Variants in XNDC1N observed in about 807,000 individuals in gnomAD.
The protein encoded by XNDC1N is XRCC1 N-terminal domain containing 1, N-terminal like.
chr11:71,920,199 C>A, the XNDC1N span, among the ~76,000 whole-genome samples: 1 of 151,560 alleles, frequency 6.6e-6, no homozygotes, highest in African/African-American at 2.4e-5. Context: ...ACCTCGTGAT[C>A]CGCCCGCCTC....
chr11:71,904,590 C>G, the XNDC1N span, among the ~76,000 whole-genome samples: 1 of 152,082 alleles, frequency 6.6e-6, no homozygotes, highest in Non-Finnish European at 1.5e-5. Flanking sequence ...TTAGGAGTAA[C>G]ATCCTTCTAG....
chr11:71,869,624 C>T, the XNDC1N span, among the ~76,000 whole-genome samples: 7 of 152,128 alleles, frequency 4.6e-5, no homozygotes, highest in Non-Finnish European at 1.0e-4. Flanking sequence ...CTTAAAAGGG[C>T]TATTTTGTCT....
At chr11:71,895,609 G>T in the XNDC1N span, among the ~76,000 whole-genome samples, 1 of 151,774 alleles carries the variant, frequency 6.6e-6, no homozygotes, top group Non-Finnish European at 1.5e-5. Context: ...TTACAGGCAT[G>T]CGCGACCGCG....
the XNDC1N span, chr11:71,865,783 TG>T: frequency 2.4e-6 from 1 of 413,424 alleles, no homozygotes; most frequent in Admixed American, 3.2e-5. Context: ...TTTTTTTTTT[TG>T]CTGTGGGGAT....
the XNDC1N span, among the ~76,000 whole-genome samples, chr11:71,919,929 C>CTTTTTTTTTT: frequency 7.9e-4 from 21 of 26,628 alleles, 4 homozygotes; most frequent in East Asian, 2.5e-3. Flanking sequence ...AAGCAGGCCT[C>CTTTTTTTTTT]TTTTTTTTTT....
chr11:71,869,213 C>T, the XNDC1N span, among the ~76,000 whole-genome samples: 3 of 151,970 alleles, frequency 2.0e-5, no homozygotes, highest in African/African-American at 7.3e-5. Flanking sequence ...CCCACTACCC[C>T]ATGACAGGCA....
chr11:71,867,168 CA>C, the XNDC1N span, among the ~76,000 whole-genome samples: 11 of 151,014 alleles, frequency 7.3e-5, no homozygotes, highest in African/African-American at 1.5e-4. Flanking sequence ...AGTTTAATAA[CA>C]AAAAAAATTG....
At chr11:71,904,720 A>T in the XNDC1N span, among the ~76,000 whole-genome samples, 14 of 152,088 alleles carry the variant, frequency 9.2e-5, no homozygotes, top group African/African-American at 3.1e-4. Context: ...GTTGACACAC[A>T]TGGTGTACAT....
chr11:71,907,013 C>T, the XNDC1N span, among the ~76,000 whole-genome samples: 1 of 152,056 alleles, frequency 6.6e-6, no homozygotes, highest in African/African-American at 2.4e-5. Flanking sequence ...CTCCGTGTGA[C>T]AAAAAAATCA....
chr11:71,927,292 G>C, the XNDC1N span, among the ~76,000 whole-genome samples: 6 of 152,278 alleles, frequency 3.9e-5, no homozygotes, highest in African/African-American at 1.2e-4. Context: ...CCAGCACTTT[G>C]GGAGGCCGAG....
chr11:71,886,453 T>C, the XNDC1N span, among the ~76,000 whole-genome samples: 1 of 151,772 alleles, frequency 6.6e-6, no homozygotes, highest in Non-Finnish European at 1.5e-5. Context: ...AGAGAGGATA[T>C]GCAAAGGCTA....
chr11:71,909,336 G>A, the XNDC1N span, among the ~76,000 whole-genome samples: 2 of 151,494 alleles, frequency 1.3e-5, no homozygotes, highest in East Asian at 1.9e-4. Context: ...CCCCCACAAA[G>A]AGGCAAGGGA....
At chr11:71,914,023 C>T in the XNDC1N span, among the ~76,000 whole-genome samples, 4 of 152,204 alleles carry the variant, frequency 2.6e-5, no homozygotes, top group Non-Finnish European at 5.9e-5. Flanking sequence ...TGGTAATGCA[C>T]CTAAGCCAAG....
chr11:71,884,607 C>T, the XNDC1N span: 1 of 1,552,398 alleles, frequency 6.4e-7, no homozygotes, highest in South Asian at 1.2e-5. Flanking sequence ...AAAAACATGT[C>T]TTAAACTCTC....
At chr11:71,903,943 T>C in the XNDC1N span, 35 of 472,330 alleles carry the variant, frequency 7.4e-5, no homozygotes, top group Non-Finnish European at 1.3e-4. Flanking sequence ...TGTTTGCTGA[T>C]TTTATGGAAC....
chr11:71,893,465 C>T, the XNDC1N span: 4 of 727,242 alleles, frequency 5.5e-6, no homozygotes, highest in South Asian at 2.9e-5. Flanking sequence ...CCAAGACACA[C>T]AGAGCCACGG....
the XNDC1N span, among the ~76,000 whole-genome samples, chr11:71,919,620 TG>T: frequency 0.077 from 1,873 of 24,332 alleles, 29 homozygotes; most frequent in East Asian, 0.17. Context: ...TTTTTTTGTT[TG>T]TTTTTTTTTT....
At chr11:71,914,823 C>T in the XNDC1N span, among the ~76,000 whole-genome samples, 1 of 152,090 alleles carries the variant, frequency 6.6e-6, no homozygotes, top group Non-Finnish European at 1.5e-5. Flanking sequence ...AAAGTGGTTT[C>T]TTGAGATGAA....
At chr11:71,887,729 C>T in the XNDC1N span, among the ~76,000 whole-genome samples, 94 of 152,312 alleles carry the variant, frequency 6.2e-4, no homozygotes, top group Non-Finnish European at 6.5e-4. Flanking sequence ...TCCCAAGTCA[C>T]GGACCAAGAA....
Sources: gnomAD v4.1 joint callset for allele counts (sites outside exome capture counted in the v4.1 genomes callset) on GRCh38, gnomAD v4.1.1 for gene constraint, MANE v1.5 for transcripts, NCBI Gene and HGNC (gene_info 2026-07-23, HGNC 2026-07-21) for gene names.